Variants in MOXD1 observed in about 807,000 individuals in gnomAD.
The protein encoded by MOXD1 is DBH-like monooxygenase protein 1.
A neutral mutation model predicts 66.6 loss-of-function variants in MOXD1; 62 were observed. That is an observed-to-expected ratio of 0.93 (90% confidence interval 0.76 to 1.15). MOXD1 has a LOEUF of 1.15. MOXD1 is among the 50% of genes most tolerant of loss of function. The pLI is 0.00. For missense variants in MOXD1, 847 were observed against 754.6 expected, an observed-to-expected ratio of 1.12 and a Z score of -1.44; for synonymous variants, 303 against 281.9, an observed-to-expected ratio of 1.07 and a Z score of -0.75.
intron 4 of MOXD1, among the ~76,000 whole-genome samples, chr6:132,337,484 T>C (rs1280497717): frequency 6.6e-6 from 1 of 152,252 alleles, no homozygotes; most frequent in Non-Finnish European, 1.5e-5. Flanking sequence ...AATCACTTCC[T>C]CTACTACATA....
In MOXD1 at chr6:132,374,779, T is replaced by C; in HGVS notation, c.265-2A>G. 1 of 1,613,128 alleles carries C rather than the reference T, an allele frequency of 6.2e-7. No homozygotes were observed. Among genetic ancestry groups the C allele is most frequent in the Non-Finnish European group, 8.5e-7 (1 of 1,179,226 alleles). On this transcript the variant is annotated splice_acceptor_variant, in intron 1 of 11. Coordinates refer to ENST00000367963, the MANE Select transcript of MOXD1 (RefSeq NM_015529.4). LOFTEE classifies it high-confidence loss of function. ...TCTATTTGCATTTGTAAAATAATCC[T>C]GTGGAAAATATGGAAAAGAAAAATC...
intron 4 of MOXD1, among the ~76,000 whole-genome samples, chr6:132,357,637 G>T (rs975714490): frequency 6.6e-6 from 1 of 152,010 alleles, no homozygotes; most frequent in African/African-American, 2.4e-5. Flanking sequence ...ATCAAAGTGA[G>T]TGTCCAGCTG....
At position 132,401,372 on chromosome 6, in the gene MOXD1, C is replaced by A. The variant is rs766791952; in HGVS notation, c.55G>T (p.Gly19Trp). 2.3e-4 allele frequency: 350 copies of A among 1,544,446 alleles called. No homozygotes were observed. Among genetic ancestry groups the A allele is most frequent in the Non-Finnish European group, 2.9e-4 (339 of 1,151,282 alleles). ...TGCGGATAGGTTCGGCCCGAGCCCC[C>A]CGCCGCCGTCCCGGGGAGCAGCCCC... The part of the protein sequence containing the change: ...LWGLLPGTAA[G>W]GSGRTYPHRT... Residue 19 changes from glycine to tryptophan, a missense_variant, in exon 1 of 12, where the codon GGG becomes TGG. By Grantham distance (184) the Gly-to-Trp change is radical (BLOSUM62 -2). Coordinates refer to ENST00000367963, the MANE Select transcript of MOXD1 (RefSeq NM_015529.4).
chr6:132,374,930 G>A (rs954489839), intron 1 of MOXD1, 153 bp from the exon 2 acceptor site: 1 of 728,026 alleles, frequency 1.4e-6, no homozygotes, highest in African/African-American at 1.8e-5. Context: ...GGGGAATCAG[G>A]TCCCTGGGAA....
At chr6:132,343,068 A>G (rs1582583712) in intron 4 of MOXD1, among the ~76,000 whole-genome samples, 2 of 152,230 alleles carry the variant, frequency 1.3e-5, no homozygotes, top group African/African-American at 2.4e-5. Context: ...TATGTGACCC[A>G]TCCTCCTATC....
rs79950980 is a variant in MOXD1 at position 132,363,094 on chromosome 6, G to A, written c.663+9514C>T. Among the ~76,000 whole-genome samples the A allele has an allele frequency of 8.7e-3, 1,321 of 152,236 alleles. 63 individuals carry two copies. The East Asian group carries it at 0.13, about 15-fold the overall frequency. The stretch of plus-strand genomic sequence containing the variant: ...GATTCTGGTGGGGTCTGCTCACACA[G>A]TCCTGTGTCCTGTGTCTATGCATTA... On this transcript the variant is annotated intron_variant, in intron 4 of 11. Transcript: ENST00000367963.
chr6:132,365,428 A>G (rs9385602), intron 4 of MOXD1, among the ~76,000 whole-genome samples: 64,656 of 152,036 alleles, frequency 0.43, 19,666 homozygotes, highest in African/African-American at 0.84. Context: ...CAGACCACAG[A>G]GCAGCAGCCA....
At chr6:132,298,414 G>T (rs1344470491) in intron 10 of MOXD1, among the ~76,000 whole-genome samples, 1 of 152,100 alleles carries the variant, frequency 6.6e-6, no homozygotes, top group African/African-American at 2.4e-5. Context: ...AAATTAACTG[G>T]TAAGCATTCA....
At chr6:132,388,834 C>T (rs1371708143) in intron 1 of MOXD1, among the ~76,000 whole-genome samples, 2 of 151,324 alleles carry the variant, frequency 1.3e-5, no homozygotes, top group Non-Finnish European at 3.0e-5. Flanking sequence ...CTTTGACGCC[C>T]TGTGACCACA....
At chr6:132,360,983 G>C (rs1297929088) in intron 4 of MOXD1, among the ~76,000 whole-genome samples, 1 of 152,190 alleles carries the variant, frequency 6.6e-6, no homozygotes, top group Non-Finnish European at 1.5e-5. Context: ...GGCTATGGGA[G>C]CATTATTAAC....
At chr6:132,386,442 A>C (rs1776645376) in intron 1 of MOXD1, among the ~76,000 whole-genome samples, 2 of 146,152 alleles carry the variant, frequency 1.4e-5, no homozygotes, top group African/African-American at 5.1e-5. Flanking sequence ...ACAAAAAAAA[A>C]AAACAAAAAA....
At chr6:132,361,277 G>A (rs1342382483) in intron 4 of MOXD1, among the ~76,000 whole-genome samples, 2 of 150,500 alleles carry the variant, frequency 1.3e-5, no homozygotes, top group African/African-American at 4.9e-5. Context: ...CTCAGCTGTG[G>A]TTACAGGAAA....
At chr6:132,392,720 G>A (rs1776793046) in intron 1 of MOXD1, among the ~76,000 whole-genome samples, 1 of 152,224 alleles carries the variant, frequency 6.6e-6, no homozygotes, top group Admixed American at 6.5e-5. Context: ...CCACAAGCAT[G>A]AGCTGCTCCA....
chr6:132,358,178 C>A (rs1214908306), intron 4 of MOXD1, among the ~76,000 whole-genome samples: 3 of 152,074 alleles, frequency 2.0e-5, no homozygotes, highest in Non-Finnish European at 4.4e-5. Flanking sequence ...GTCTATGTGA[C>A]CAGAAAGACA....
At chr6:132,325,873 T>C (rs573940805) in intron 6 of MOXD1, among the ~76,000 whole-genome samples, 1 of 152,324 alleles carries the variant, frequency 6.6e-6, no homozygotes, top group South Asian at 2.1e-4. Flanking sequence ...TTTCAATCAA[T>C]TGTTAAACAA....
chr6:132,368,681 T>C (rs1776196237), intron 4 of MOXD1, among the ~76,000 whole-genome samples: 1 of 152,112 alleles, frequency 6.6e-6, no homozygotes, highest in South Asian at 2.1e-4. Context: ...AAAATTTAAA[T>C]TTTAAATGTA....
intron 10 of MOXD1, among the ~76,000 whole-genome samples, chr6:132,300,473 G>A (rs1774507518): frequency 6.6e-6 from 1 of 152,080 alleles, no homozygotes; most frequent in Admixed American, 6.6e-5. Flanking sequence ...TTTATAACCA[G>A]ATAAATGCTA....
At chr6:132,394,763 C>A (rs1776837012) in intron 1 of MOXD1, among the ~76,000 whole-genome samples, 1 of 151,780 alleles carries the variant, frequency 6.6e-6, no homozygotes, top group Admixed American at 6.6e-5. Context: ...ATAACTCAGA[C>A]AAAAATAAAT....
Position 132,305,989 on chromosome 6 carries a change from G to A in MOXD1, c.1509-8034C>T, listed in dbSNP as rs553260690. On this transcript the variant is annotated intron_variant, in intron 10 of 11. Coordinates refer to ENST00000367963, the MANE Select transcript of MOXD1 (RefSeq NM_015529.4). ...ATGATTGCAACATCGCTCCATCAAG[G>A]GTGCAGAACTAGATGGAGGATCAGA... Among the ~76,000 whole-genome samples the A allele has an allele frequency of 3.9e-5, 6 of 152,150 alleles. No homozygotes were observed. The South Asian group carries it at 1.0e-3, about 26-fold the overall frequency.
Sources: allele counts gnomAD v4.1 joint callset (sites outside exome capture counted in the v4.1 genomes callset), GRCh38; gene constraint gnomAD v4.1.1; transcripts MANE v1.5; gene names NCBI Gene and HGNC (gene_info 2026-07-23, HGNC 2026-07-21).